CAMK4: variants seen among roughly 807,000 people sequenced by gnomAD.
CAMK4 encodes calcium/calmodulin dependent protein kinase IV.
In CAMK4, 22 loss-of-function variants were observed where a neutral mutation model predicts 44.9. That is an observed-to-expected ratio of 0.49 (90% confidence interval 0.35 to 0.70). The LOEUF (loss-of-function observed/expected upper bound fraction) is 0.70, where lower values mean the gene tolerates loss of function less well. Among genes scored for constraint, CAMK4 ranks in the 30% least tolerant of loss-of-function variants. The pLI is 0.01. For synonymous variants in CAMK4, 218 were observed against 215.4 expected (o/e 1.01, Z -0.11); for missense variants, 498 against 586.8 (o/e 0.85, Z 1.56).
intron 1 of CAMK4, among the ~76,000 whole-genome samples, chr5:111,258,476 A>G (rs559072166): frequency 3.3e-5 from 5 of 152,304 alleles, no homozygotes; most frequent in Admixed American, 1.3e-4. Context: ...GTGGGAGGTG[A>G]AAGGCCCTTC....
intron 1 of CAMK4, among the ~76,000 whole-genome samples, chr5:111,263,131 A>T (rs1428784990): frequency 1.3e-5 from 2 of 152,222 alleles, no homozygotes; most frequent in African/African-American, 4.8e-5. Flanking sequence ...TTCTAAAGGG[A>T]ACACTTTCAA....
chr5:111,444,728 C>A (rs1753966959), intron 5 of CAMK4, among the ~76,000 whole-genome samples: 1 of 152,110 alleles, frequency 6.6e-6, no homozygotes, highest in Non-Finnish European at 1.5e-5. Flanking sequence ...TAAAAGACTC[C>A]TTGCCTTCCC....
intron 1 of CAMK4, among the ~76,000 whole-genome samples, chr5:111,331,085 G>C (rs1749148161): frequency 6.6e-6 from 1 of 151,490 alleles, no homozygotes; most frequent in Non-Finnish European, 1.5e-5. Flanking sequence ...ACACAAAAAA[G>C]CACTCACTGT....
chr5:111,373,379 A>G (rs1274560151), intron 2 of CAMK4, among the ~76,000 whole-genome samples: 1 of 151,882 alleles, frequency 6.6e-6, no homozygotes, highest in Non-Finnish European at 1.5e-5. Flanking sequence ...TAAATGAGGT[A>G]CTCTAGGGTC....
chr5:111,411,312 G>C (rs530474493), intron 5 of CAMK4, among the ~76,000 whole-genome samples: 18 of 152,310 alleles, frequency 1.2e-4, no homozygotes, highest in African/African-American at 4.3e-4. Context: ...CCATAGCAAA[G>C]CTTGGACTTT....
chr5:111,476,649 G>A (rs2112493295), intron 8 of CAMK4, among the ~76,000 whole-genome samples: 1 of 152,154 alleles, frequency 6.6e-6, no homozygotes, highest in East Asian at 1.9e-4. Flanking sequence ...TTCTAAGAAT[G>A]CCATTAGGCT....
At chr5:111,405,894 C>G (rs1031094849) in intron 5 of CAMK4, among the ~76,000 whole-genome samples, 2 of 152,140 alleles carry the variant, frequency 1.3e-5, no homozygotes, top group Admixed American at 1.3e-4. Context: ...ACCAACTAAG[C>G]TCAAAATTTC....
intron 1 of CAMK4, among the ~76,000 whole-genome samples, chr5:111,330,096 C>A (rs1749098790): frequency 7.3e-6 from 1 of 137,672 alleles, no homozygotes; most frequent in African/African-American, 2.6e-5. Context: ...CCCACCACCC[C>A]TACAAAAAAA....
chr5:111,401,863 G>C (rs1363931934), intron 5 of CAMK4, among the ~76,000 whole-genome samples: 1 of 152,176 alleles, frequency 6.6e-6, no homozygotes, highest in Non-Finnish European at 1.5e-5. Flanking sequence ...CTTGTGAAGA[G>C]GGCTCCCTGT....
intron 1 of CAMK4, among the ~76,000 whole-genome samples, chr5:111,340,884 C>A (rs184096185): frequency 1.4e-3 from 214 of 150,542 alleles, no homozygotes; most frequent in African/African-American, 5.0e-3. Flanking sequence ...CAATTTCAAT[C>A]TTCTTACTCA....
intron 7 of CAMK4, among the ~76,000 whole-genome samples, chr5:111,469,943 T>G (rs1034517949): frequency 6.6e-6 from 1 of 152,260 alleles, no homozygotes; most frequent in Non-Finnish European, 1.5e-5. Flanking sequence ...TCAACATATT[T>G]CTATATTTAT....
chr5:111,455,649 G>A (rs1305272894), intron 7 of CAMK4, among the ~76,000 whole-genome samples: 1 of 152,198 alleles, frequency 6.6e-6, no homozygotes, highest in East Asian at 1.9e-4. Context: ...CTACCCTAAG[G>A]CGTGGTAGGT....
chr5:111,291,346 GTTGA>G (rs58222131), intron 1 of CAMK4, among the ~76,000 whole-genome samples: 1,924 of 152,184 alleles, frequency 0.013, 42 homozygotes, highest in African/African-American at 0.044. Context: ...ATAAATGTCT[GTTGA>G]TTTTCTTTCC....
intron 1 of CAMK4, among the ~76,000 whole-genome samples, chr5:111,308,911 T>C (rs186496669): frequency 6.6e-6 from 1 of 152,302 alleles, no homozygotes; most frequent in East Asian, 1.9e-4. Context: ...CTATTTGCCA[T>C]ATGGGGATTA....
rs1755545062 is a variant in CAMK4, at chr5:111,484,455, C to T, written c.1411C>T (p.Pro471Ser). ...AGTTCCACAGCAAGATGTGATCCTGCCAGAGTACTAAACAGCTTCCTTCAG... is the reference window on the plus strand; with the variant it reads ...AGTTCCACAGCAAGATGTGATCCTGTCAGAGTACTAAACAGCTTCCTTCAG... ...FEVPQQDVIL[P>S]EY The change falls in exon 11 of 11, where the codon CCA becomes TCA. Residue 471 changes from proline to serine, a missense_variant. By Grantham distance (74) the Pro-to-Ser change is moderately conservative. Coordinates refer to ENST00000282356, the MANE Select transcript of CAMK4 (RefSeq NM_001744.6). This position sits in a 1 kb window ranked among gnomAD's most constrained non-coding sequence, Gnocchi z 5.3. 6.6e-7 allele frequency: 1 copy of T among 1,514,954 alleles called. No homozygotes were observed. Among genetic ancestry groups the T allele is most frequent in the Admixed American group, 2.2e-5 (1 of 44,586 alleles). The allele number at this position is 1,514,954 out of a possible 1,614,324, so 93.8% of individuals were successfully genotyped here. A position where few individuals can be genotyped will look rare whatever the true frequency, so the allele number is the denominator to read the frequency against.
intron 5 of CAMK4, among the ~76,000 whole-genome samples, chr5:111,430,428 C>A (rs1753402775): frequency 1.3e-5 from 2 of 152,178 alleles, no homozygotes; most frequent in South Asian, 4.1e-4. Flanking sequence ...GCTGTCACCA[C>A]TGTTATTTAA....
At chr5:111,379,534 C>T (rs570129231) in intron 4 of CAMK4, among the ~76,000 whole-genome samples, 2 of 152,156 alleles carry the variant, frequency 1.3e-5, no homozygotes, top group African/African-American at 4.8e-5. Context: ...CTTGGTCTCT[C>T]CATTAAGTTA....
intron 1 of CAMK4, among the ~76,000 whole-genome samples, chr5:111,328,955 T>G (rs1018967741): frequency 1.3e-5 from 2 of 151,734 alleles, no homozygotes; most frequent in Admixed American, 6.6e-5. Flanking sequence ...ATATCCTTGA[T>G]GAACATCGAT....
intron 4 of CAMK4, 120 bp downstream of exon 4, chr5:111,377,062 TA>T (rs1751239772): frequency 1.7e-6 from 1 of 603,482 alleles, no homozygotes; most frequent in African/African-American, 1.9e-5. Flanking sequence ...TGATAAATAC[TA>T]CTAAAAAAAG....
Sources: allele counts gnomAD v4.1 joint callset (sites outside exome capture counted in the v4.1 genomes callset), GRCh38; gene constraint gnomAD v4.1.1; non-coding constraint Gnocchi (gnomAD v3.1); transcripts MANE v1.5; gene names NCBI Gene and HGNC (gene_info 2026-07-23, HGNC 2026-07-21).